Variants in EPB41L1 observed in about 807,000 individuals in gnomAD.
EPB41L1 encodes the protein band 4.1-like protein 1.
In EPB41L1, 29 loss-of-function variants were observed where a neutral mutation model predicts 97.8. That is an observed-to-expected ratio of 0.30 (90% CI 0.22 to 0.40). The LOEUF (loss-of-function observed/expected upper bound fraction) is 0.40, where lower values mean the gene tolerates loss of function less well. Among genes scored for constraint, EPB41L1 ranks in the 10% least tolerant of loss-of-function variants. EPB41L1 has a pLI of 1.00. For synonymous variants in EPB41L1, 383 were observed against 459.2 expected, an observed-to-expected ratio of 0.83 and a Z score of 2.12; for missense variants, 812 against 1,162.3, an observed-to-expected ratio of 0.70 and a Z score of 4.38.
At chr20:36,150,199 T>TA (rs988177465), upstream of EPB41L1, among the ~76,000 whole-genome samples, 2 of 151,898 alleles carry the variant, frequency 1.3e-5, no homozygotes, top group African/African-American at 4.8e-5. Flanking sequence ...GCCTCTGGAG[T>TA]AGCTGGGATT....
In EPB41L1 at chr20:36,209,583, G is replaced by A. The variant is rs370719910; in HGVS notation, c.1764G>A (p.Glu588=). The A allele has an allele frequency of 5.0e-6, 8 of 1,614,052 alleles. No homozygotes were observed. The African/African-American group carries it at 9.3e-5, about 19-fold the overall frequency. ...CAGGCGATGAGGACCAGGACCAGGA[G>A]AGGGACACGGTGTTCCTGAAGGACA... is the stretch of plus-strand genomic sequence containing the variant. The part of the protein sequence containing the change: ...SDTGDEDQDQ[E]RDTVFLKDNH... Residue 588 remains glutamate, a synonymous_variant, in exon 15 of 22, where the codon GAG becomes GAA. Coordinates refer to ENST00000338074, the MANE Select transcript of EPB41L1 (RefSeq NM_012156.2). This position sits in a 1 kb window ranked among gnomAD's most constrained non-coding sequence, Gnocchi z 4.2.
chr20:36,188,506 C>A lies in EPB41L1; in HGVS notation c.1026+7C>A. 1 of 1,598,412 alleles carries A rather than the reference C, an allele frequency of 6.3e-7. No individual in the cohort carries two copies. Among genetic ancestry groups the A allele is most frequent in the South Asian group, 1.1e-5 (1 of 90,536 alleles). On this transcript the variant is annotated splice_region_variant and intron_variant, in intron 9 of 21. Transcript: ENST00000338074. ...CAAGATCCGGCCTGGGGAGGTGAGT[C>A]TGCCTTGGGAAACACTCCTCCTCAC... is the stretch of plus-strand genomic sequence containing the variant.
chr20:36,108,307 T>C (rs2058268906), intron 1 of EPB41L1, among the ~76,000 whole-genome samples: 1 of 152,082 alleles, frequency 6.6e-6, no homozygotes, highest in South Asian at 2.1e-4. Context: ...TGATTACATG[T>C]TGAGATAGAT....
chr20:36,111,692 TAGG>T (rs2058407549), intron 1 of EPB41L1, among the ~76,000 whole-genome samples: 1 of 146,804 alleles, frequency 6.8e-6, no homozygotes, highest in Admixed American at 7.0e-5. Context: ...GAGACTGAGA[TAGG>T]AGAATCGTTT....
At chr20:36,160,598 A>AG (rs894123383) in intron 1 of EPB41L1, among the ~76,000 whole-genome samples, 2 of 152,038 alleles carry the variant, frequency 1.3e-5, no homozygotes, top group Non-Finnish European at 2.9e-5. Flanking sequence ...ACAAAAAAAA[A>AG]AAAGAAAGAA....
rs775655096 is a variant in EPB41L1 at position 36,209,825 on chromosome 20, A to T, written c.2006A>T (p.Asp669Val). 1 of 1,613,772 alleles carries T rather than the reference A, an allele frequency of 6.2e-7. No individual in the cohort carries two copies. The highest frequency in any genetic ancestry group is 8.5e-7 in the Non-Finnish European group (1 of 1,179,936). ...CTCAACAAGGGGGCCCCCAGCCAGG[A>T]TGATGAGTCTGGGGGCATTGAGGAC... ...RDLNKGAPSQ[D>V]DESGGIEDSP... is the part of the protein sequence containing the mutation. The change falls in exon 15 of 22, where the codon GAT becomes GTT. Residue 669 changes from aspartate (D) to valine (V), a missense_variant. Physicochemically the swap from Asp to Val is radical, Grantham distance 152. Transcript: ENST00000338074. This position sits in a 1 kb window ranked among gnomAD's most constrained non-coding sequence, Gnocchi z 4.2.
chr20:36,126,363 A>ATT (rs1208994726), intron 2 of EPB41L1, among the ~76,000 whole-genome samples: 119 of 135,250 alleles, frequency 8.8e-4, no homozygotes, highest in Middle Eastern at 4.0e-3. Flanking sequence ...AGTTAGTGGA[A>ATT]TTTTTTTTTT....
chr20:36,209,856 G>C lies in EPB41L1; in HGVS notation c.2037G>C (p.Pro679=), dbSNP rs150389879. 1 of 1,613,560 alleles carries C rather than the reference G, an allele frequency of 6.2e-7. No individual in the cohort carries two copies. The highest frequency in any genetic ancestry group is 8.5e-7 in the Non-Finnish European group (1 of 1,180,014). ...DDESGGIEDS[P]DRGACSTPDM... ...AGTCTGGGGGCATTGAGGACAGCCCGGATCGAGGGGCCTGCTCCACCCCGG... is the reference window on the plus strand; with the variant it reads ...AGTCTGGGGGCATTGAGGACAGCCCCGATCGAGGGGCCTGCTCCACCCCGG... Residue 679 remains proline (P), a synonymous_variant, in exon 15 of 22, where the codon CCG becomes CCC. Transcript: ENST00000338074. This position sits in a 1 kb window ranked among gnomAD's most constrained non-coding sequence, Gnocchi z 4.2.
In EPB41L1 at chr20:36,183,197, C is replaced by T. The variant is rs576052000; in HGVS notation, c.566+850C>T. 9.9e-5 allele frequency among the ~76,000 whole-genome samples: 15 copies of T among 152,250 alleles called. No homozygotes were observed. The East Asian group carries it at 2.3e-3, about 24-fold the overall frequency. On this transcript the variant is annotated intron_variant, in intron 6 of 21. Transcript: ENST00000338074. ...GGGGCTGTGTCATCCAGGTGATGGG[C>T]CTTATACTCCCAACATAAAATATGG...
At chr20:36,189,812 G>GTTTA (rs1284399068) in intron 9 of EPB41L1, among the ~76,000 whole-genome samples, 1 of 152,160 alleles carries the variant, frequency 6.6e-6, no homozygotes, top group Admixed American at 6.5e-5. Context: ...TATCTCTAGT[G>GTTTA]TTTAGCACTG....
At chr20:36,198,998 G>A (rs2062354577) in intron 14 of EPB41L1, among the ~76,000 whole-genome samples, 1 of 152,190 alleles carries the variant, frequency 6.6e-6, no homozygotes, top group Non-Finnish European at 1.5e-5. Context: ...TTGATGCGCA[G>A]TGTGAGTTAT....
intron 1 of EPB41L1, among the ~76,000 whole-genome samples, chr20:36,172,766 A>G (rs1230929719): frequency 6.6e-6 from 1 of 151,938 alleles, no homozygotes; most frequent in Admixed American, 6.6e-5. Flanking sequence ...ACACCTGGCT[A>G]ATTTTTGTAT....
chr20:36,187,689 G>C lies in EPB41L1; in HGVS notation c.799G>C (p.Gly267Arg), dbSNP rs1226126107. ...TCTTTCCCTCAGGGGGATGACCCCG[G>C]GAGAAGCAGAAATCCACTTCTTAGA... ...LHKTYRGMTP[G>R]EAEIHFLENA... The change falls in exon 8 of 22, where the codon GGA becomes CGA. Residue 267 changes from glycine (G) to arginine (R), a missense_variant. Transcript: ENST00000338074. 1.2e-6 allele frequency: 2 copies of C among 1,614,014 alleles called. No individual in the cohort carries two copies. Among genetic ancestry groups the C allele is most frequent in the African/African-American group, 1.3e-5 (1 of 75,030 alleles).
Position 36,190,154 on chromosome 20 carries a change from C to G in EPB41L1, c.1027-123C>G. On this transcript the variant is annotated intron_variant, in intron 9 of 21. Coordinates refer to ENST00000338074, the MANE Select transcript of EPB41L1 (RefSeq NM_012156.2). The surrounding 1 kb of genome is among the most constrained non-coding windows in gnomAD (Gnocchi z 5.8). ...TTGCGCCACTGTACTCCACCCTGGG[C>G]AAATGATCGAGACCCTGTGTCTCAA... 1 of 797,540 alleles carries G rather than the reference C, an allele frequency of 1.3e-6. No individual in the cohort carries two copies. Among genetic ancestry groups the G allele is most frequent in the South Asian group, 1.5e-5 (1 of 65,656 alleles). The allele number at this position is 797,540 out of a possible 1,614,324, so 49.4% of individuals were successfully genotyped here.
chr20:36,133,567 T>A (rs982906646), intron 2 of EPB41L1, among the ~76,000 whole-genome samples: 1 of 152,108 alleles, frequency 6.6e-6, no homozygotes, highest in Non-Finnish European at 1.5e-5. Context: ...AAAGATAATA[T>A]TAATAGTAGC....
intron 1 of EPB41L1, among the ~76,000 whole-genome samples, chr20:36,157,567 G>C (rs138578772): frequency 1.3e-5 from 2 of 152,292 alleles, no homozygotes; most frequent in African/African-American, 2.4e-5. Context: ...GCAATTCATT[G>C]GTAGGCCAGG....
chr20:36,229,290 C>A (rs559620460), intron 21 of EPB41L1, 42 bp from the exon 22 acceptor site: 7 of 1,483,662 alleles, frequency 4.7e-6, no homozygotes, highest in Middle Eastern at 1.7e-4. Context: ...CCTTTCCCCC[C>A]ACTCCCCACC....
chr20:36,137,076 CTTT>C (rs35231525), intron 2 of EPB41L1, among the ~76,000 whole-genome samples: 19 of 132,860 alleles, frequency 1.4e-4, no homozygotes, highest in Non-Finnish European at 2.4e-4. Flanking sequence ...CTTTCCTTTC[CTTT>C]TTTTTTTTTT....
At position 36,194,316 on chromosome 20, in the gene EPB41L1, G is replaced by A. The variant is rs755917402; in HGVS notation, c.1405G>A (p.Glu469Lys). Residue 469 changes from glutamate (E) to lysine (K), a missense_variant, in exon 12 of 22, where the codon GAG becomes AAG. By Grantham distance (56) the Glu-to-Lys change is moderately conservative (BLOSUM62 1). Transcript: ENST00000338074. The part of the protein sequence containing the change: ...GESGGQRSEA[E>K]EGEVRTPTKI... ...GTCTGGGGGGCAACGGTCAGAGGCT[G>A]AGGAGGGAGAGGTCAGGACTCCAAC... is the stretch of plus-strand genomic sequence containing the variant. The A allele has an allele frequency of 1.2e-5, 20 of 1,613,924 alleles. No individual in the cohort carries two copies. Among genetic ancestry groups the A allele is most frequent in the Non-Finnish European group, 1.5e-5 (18 of 1,179,984 alleles).
Sources: gnomAD v4.1 joint callset for allele counts (sites outside exome capture counted in the v4.1 genomes callset) on GRCh38, gnomAD v4.1.1 for gene constraint, Gnocchi (gnomAD v3.1) non-coding constraint, MANE v1.5 for transcripts, NCBI Gene and HGNC (gene_info 2026-07-23, HGNC 2026-07-21) for gene names.